TCF12: variants seen among roughly 807,000 people sequenced by gnomAD.
TCF12 encodes the protein transcription factor 12.
A neutral mutation model predicts 86.0 loss-of-function variants in TCF12; 45 were observed. That is an observed-to-expected ratio of 0.52 (90% CI 0.41 to 0.67). The LOEUF (loss-of-function observed/expected upper bound fraction) is 0.67. Among genes scored for constraint, TCF12 ranks in the 30% least tolerant of loss-of-function variants. The probability of loss-of-function intolerance (pLI) is 0.00; values close to 1 mark genes in which losing one functional copy is unlikely to be tolerated. For missense variants in TCF12, 881 were observed against 859.9 expected, an observed-to-expected ratio of 1.02 and a Z score of -0.31; for synonymous variants, 330 against 299.6, an observed-to-expected ratio of 1.10 and a Z score of -1.05.
At chr15:56,975,397 C>T (rs1424999077) in intron 3 of TCF12, among the ~76,000 whole-genome samples, 1 of 152,116 alleles carries the variant, frequency 6.6e-6, no homozygotes, top group Non-Finnish European at 1.5e-5. Flanking sequence ...ACTTTCTATA[C>T]AATGGCATTC....
At chr15:57,243,345 A>G (rs2151970315) in intron 12 of TCF12, 127 bp from the exon 13 acceptor site, 1 of 707,778 alleles carries the variant, frequency 1.4e-6, no homozygotes, top group Non-Finnish European at 2.3e-6. Context: ...AAAACTTGAC[A>G]AGAAATTTTT....
intron 3 of TCF12, among the ~76,000 whole-genome samples, chr15:56,941,458 T>C (rs1416621688): frequency 6.6e-6 from 1 of 151,738 alleles, no homozygotes; most frequent in Non-Finnish European, 1.5e-5. Context: ...CTGCAACCTC[T>C]GGCTCCCAGG....
chr15:57,032,619 A>AT (rs2066268734), intron 3 of TCF12, among the ~76,000 whole-genome samples: 1 of 151,996 alleles, frequency 6.6e-6, no homozygotes, highest in Non-Finnish European at 1.5e-5. Context: ...TAATTTTAAA[A>AT]TTTTTTGTAG....
chr15:56,983,356 G>T (rs1390349692), intron 3 of TCF12, among the ~76,000 whole-genome samples: 1 of 152,100 alleles, frequency 6.6e-6, no homozygotes, highest in Non-Finnish European at 1.5e-5. Context: ...TTTTGTGAAT[G>T]GAACTGATAG....
chr15:57,116,183 C>G (rs2050822102), intron 5 of TCF12, among the ~76,000 whole-genome samples: 1 of 152,078 alleles, frequency 6.6e-6, no homozygotes, highest in Non-Finnish European at 1.5e-5. Flanking sequence ...ATCCTTGACT[C>G]CAAAGCCTGT....
chr15:57,032,401 A>G (rs1417464745), intron 3 of TCF12, among the ~76,000 whole-genome samples: 2 of 152,194 alleles, frequency 1.3e-5, no homozygotes, highest in African/African-American at 4.8e-5. Context: ...TATACCTTAT[A>G]GGATTTAAGA....
chr15:57,116,294 A>T (rs2050831859), intron 5 of TCF12, among the ~76,000 whole-genome samples: 2 of 152,190 alleles, frequency 1.3e-5, no homozygotes, highest in South Asian at 4.1e-4. Flanking sequence ...TTCAAATAAG[A>T]TTATGGATCT....
intron 9 of TCF12, 132 bp from the exon 10 acceptor site, chr15:57,232,159 A>T: frequency 1.1e-6 from 1 of 885,376 alleles, no homozygotes; most frequent in Non-Finnish European, 1.8e-6. Flanking sequence ...AGGGAAGAAC[A>T]GTGGGTAGAA....
chr15:57,014,422 A>C (rs2065026365), intron 3 of TCF12, among the ~76,000 whole-genome samples: 2 of 82,520 alleles, frequency 2.4e-5, no homozygotes, highest in Admixed American at 2.0e-4. Flanking sequence ...AAATTGACTC[A>C]AAAAAAAAAA....
intron 3 of TCF12, among the ~76,000 whole-genome samples, chr15:56,978,441 T>G (rs527620521): frequency 3.1e-4 from 47 of 152,222 alleles, no homozygotes; most frequent in African/African-American, 1.1e-3. Flanking sequence ...AAAGAATATG[T>G]AATATAAAGA....
chr15:57,176,741 A>G (rs2055939107), intron 6 of TCF12, among the ~76,000 whole-genome samples: 1 of 152,242 alleles, frequency 6.6e-6, no homozygotes, highest in African/African-American at 2.4e-5. Context: ...AAATGAAGCC[A>G]TGATTAAACT....
chr15:57,083,526 AAC>A (rs1488308974), intron 4 of TCF12, among the ~76,000 whole-genome samples: 2 of 152,194 alleles, frequency 1.3e-5, no homozygotes, highest in African/African-American at 4.8e-5. Context: ...AAAAAATACT[AAC>A]ACTTTTTATA....
intron 7 of TCF12, among the ~76,000 whole-genome samples, chr15:57,193,858 A>G (rs1396621970): frequency 6.6e-6 from 1 of 152,174 alleles, no homozygotes. Flanking sequence ...ATGATTTAGT[A>G]TGTTTACTAT....
At chr15:56,966,035 A>G (rs2061985253) in intron 3 of TCF12, among the ~76,000 whole-genome samples, 1 of 152,214 alleles carries the variant, frequency 6.6e-6, no homozygotes, top group Non-Finnish European at 1.5e-5. Context: ...TGTATTTTGC[A>G]TCATGAGACC....
At chr15:57,080,662 A>G (rs2070556720) in intron 4 of TCF12, among the ~76,000 whole-genome samples, 1 of 152,276 alleles carries the variant, frequency 6.6e-6, no homozygotes, top group South Asian at 2.1e-4. Context: ...AAAGATTTTG[A>G]TATCTCTGTG....
intron 3 of TCF12, among the ~76,000 whole-genome samples, chr15:57,010,884 G>A (rs2064789957): frequency 6.6e-6 from 1 of 152,112 alleles, no homozygotes; most frequent in South Asian, 2.1e-4. Flanking sequence ...TAGTTCATGT[G>A]GCCCCATTTT....
intron 8 of TCF12, among the ~76,000 whole-genome samples, chr15:57,203,319 C>G (rs1385262975): frequency 6.6e-6 from 1 of 152,098 alleles, no homozygotes; most frequent in Non-Finnish European, 1.5e-5. Context: ...AAGCATTTCT[C>G]AGATGCAGAA....
intron 8 of TCF12, among the ~76,000 whole-genome samples, chr15:57,228,611 T>G (rs2058993684): frequency 6.6e-6 from 1 of 152,088 alleles, no homozygotes; most frequent in African/African-American, 2.4e-5. Context: ...TTAGTTTTCT[T>G]GCTCTCCATG....
At chr15:57,072,824 G>C (rs777560399) in intron 4 of TCF12, 19 of 698,376 alleles carry the variant, frequency 2.7e-5, no homozygotes, top group Non-Finnish European at 3.3e-5. Context: ...TAAGAAAAAG[G>C]GTGTGTTTTA....
Sources: allele counts gnomAD v4.1 joint callset (sites outside exome capture counted in the v4.1 genomes callset), GRCh38; gene constraint gnomAD v4.1.1; transcripts MANE v1.5; gene names NCBI Gene and HGNC (gene_info 2026-07-23, HGNC 2026-07-21).